The following GPHN variants were observed in gnomAD, a reference collection of about 807,000 sequenced individuals.
The protein encoded by GPHN is gephyrin.
GPHN carries 17 observed loss-of-function variants against 95.5 expected under a neutral mutation model. The ratio of observed to expected loss-of-function variants is 0.18; its 90% CI spans 0.12 to 0.27. GPHN has a LOEUF of 0.27. GPHN is among the 10% of genes least tolerant of loss of function. The pLI is 1.00. For synonymous variants in GPHN, 320 were observed against 322.5 expected (o/e 0.99, Z 0.08); for missense variants, 660 against 978.1 (o/e 0.67, Z 4.34).
At chr14:66,819,783 T>A (rs1363827886) in intron 3 of GPHN, among the ~76,000 whole-genome samples, 2 of 151,966 alleles carry the variant, frequency 1.3e-5, no homozygotes, top group African/African-American at 2.4e-5. Context: ...TACCCAAGAG[T>A]AATAAATATT....
intron 1 of GPHN, among the ~76,000 whole-genome samples, chr14:66,554,480 A>G (rs1395015561): frequency 6.6e-6 from 1 of 152,182 alleles, no homozygotes; most frequent in Non-Finnish European, 1.5e-5. Flanking sequence ...GCGGAAGGCA[A>G]AGGGGTAGCA....
At chr14:67,397,652 C>T in the GPHN span, 1 of 1,605,520 alleles carries the variant, frequency 6.2e-7, no homozygotes, top group Non-Finnish European at 8.5e-7. Context: ...CAGCAGGGGC[C>T]ATCACTTACC....
chr14:66,959,649 A>G (rs559004187), intron 8 of GPHN, among the ~76,000 whole-genome samples: 1 of 152,142 alleles, frequency 6.6e-6, no homozygotes, highest in African/African-American at 2.4e-5. Flanking sequence ...CTTATTGAGG[A>G]TCAGAATTCT....
chr14:67,648,022 ATTATT>A, the GPHN span: 18 of 1,572,234 alleles, frequency 1.1e-5, no homozygotes, highest in African/African-American at 2.3e-4. Flanking sequence ...TATTTTAAGT[ATTATT>A]TTATCCTCTT....
At chr14:66,703,533 C>A (rs971087484) in intron 2 of GPHN, among the ~76,000 whole-genome samples, 1 of 152,188 alleles carries the variant, frequency 6.6e-6, no homozygotes, top group African/African-American at 2.4e-5. Context: ...AATTTCATAT[C>A]TAGCCAAACT....
the GPHN span, among the ~76,000 whole-genome samples, chr14:67,319,610 TAAAAAAAAAAA>T: frequency 7.8e-6 from 1 of 128,608 alleles, no homozygotes; most frequent in East Asian, 2.1e-4. Context: ...GCTGATGAGC[TAAAAAAAAAAA>T]AAAAAAAATT....
the GPHN span, among the ~76,000 whole-genome samples, chr14:67,275,092 C>G: frequency 6.6e-6 from 1 of 152,116 alleles, no homozygotes; most frequent in African/African-American, 2.4e-5. Flanking sequence ...TCCTCTTTTC[C>G]TAATTGAATA....
the GPHN span, chr14:67,650,569 C>T: frequency 1.5e-6 from 1 of 674,728 alleles, no homozygotes; most frequent in Non-Finnish European, 2.6e-6. Context: ...GGATGAGGTG[C>T]AAGGGGCTTC....
At chr14:66,746,435 A>G (rs1222373825) in intron 2 of GPHN, among the ~76,000 whole-genome samples, 3 of 152,070 alleles carry the variant, frequency 2.0e-5, no homozygotes, top group Non-Finnish European at 4.4e-5. Flanking sequence ...GCTCTATTTT[A>G]CAAGACTTTG....
intron 17 of GPHN, among the ~76,000 whole-genome samples, chr14:67,125,948 C>G (rs1049097989): frequency 6.6e-6 from 1 of 151,996 alleles, no homozygotes. Context: ...TTTTGACAAT[C>G]AAAGTAAAAA....
At chr14:67,025,928 A>T (rs922524814) in intron 10 of GPHN, among the ~76,000 whole-genome samples, 2 of 152,202 alleles carry the variant, frequency 1.3e-5, no homozygotes, top group African/African-American at 4.8e-5. Flanking sequence ...TTACATCAGG[A>T]TCTTTATCCA....
the GPHN span, among the ~76,000 whole-genome samples, chr14:67,223,304 T>C: frequency 1.3e-5 from 2 of 152,182 alleles, no homozygotes; most frequent in Non-Finnish European, 2.9e-5. Flanking sequence ...CTGGCCCCCA[T>C]TGGGCTTTAG....
At chr14:67,431,414 A>AAAC in the GPHN span, among the ~76,000 whole-genome samples, 1 of 150,372 alleles carries the variant, frequency 6.7e-6, no homozygotes, top group African/African-American at 2.5e-5. Context: ...AAAAAAAAAA[A>AAAC]AAAAAAACGG....
the GPHN span, among the ~76,000 whole-genome samples, chr14:67,206,847 C>G: frequency 6.6e-6 from 1 of 152,022 alleles, no homozygotes; most frequent in Non-Finnish European, 1.5e-5. Flanking sequence ...TCTTATGCCT[C>G]AGCTTTCCAA....
chr14:67,043,211 A>G (rs1164646959), intron 10 of GPHN, among the ~76,000 whole-genome samples: 1 of 152,186 alleles, frequency 6.6e-6, no homozygotes, highest in Non-Finnish European at 1.5e-5. Context: ...TCCTATTTGA[A>G]TATCCTTTAT....
At chr14:67,422,826 C>CTTTTTTT in the GPHN span, among the ~76,000 whole-genome samples, 2 of 115,846 alleles carry the variant, frequency 1.7e-5, no homozygotes, top group Non-Finnish European at 1.8e-5. Context: ...CTTTCCCCAT[C>CTTTTTTT]TTTTTTTTTT....
chr14:66,862,052 T>A (rs2153521787), intron 4 of GPHN, among the ~76,000 whole-genome samples: 1 of 152,050 alleles, frequency 6.6e-6, no homozygotes, highest in Non-Finnish European at 1.5e-5. Flanking sequence ...ACTGGAAAGC[T>A]TGTTTTTTGG....
At chr14:66,661,324 A>C (rs1384295262) in intron 1 of GPHN, among the ~76,000 whole-genome samples, 1 of 152,170 alleles carries the variant, frequency 6.6e-6, no homozygotes, top group East Asian at 1.9e-4. Context: ...CAGCCATTCC[A>C]GCCTGTGGGC....
chr14:67,069,456 C>T (rs2153655925), intron 11 of GPHN, among the ~76,000 whole-genome samples: 1 of 152,312 alleles, frequency 6.6e-6, no homozygotes, highest in East Asian at 1.9e-4. Flanking sequence ...AGGCAGCTAA[C>T]TAGCTGGAAG....
Sources: allele counts gnomAD v4.1 joint callset (sites outside exome capture counted in the v4.1 genomes callset), GRCh38; gene constraint gnomAD v4.1.1; transcripts MANE v1.5; gene names NCBI Gene and HGNC (gene_info 2026-07-23, HGNC 2026-07-21).